Variants in KLHL35 observed in about 807,000 individuals in gnomAD.
KLHL35 encodes kelch like family member 35, also known as kelch-like protein 35.
Under a neutral mutation model 44.0 loss-of-function variants are expected in KLHL35, and 50 were observed. The ratio of observed to expected loss-of-function variants is 1.14; its 90% confidence interval spans 0.91 to 1.44. KLHL35 has a LOEUF of 1.44. Ranked by LOEUF, KLHL35 falls within the 40% of genes most tolerant of loss-of-function variation. The pLI, the probability that KLHL35 is intolerant of heterozygous loss-of-function variation, is 0.00. For synonymous variants in KLHL35, 470 were observed against 410.4 expected (o/e 1.15, Z -1.76); for missense variants, 1,049 against 887.8 (o/e 1.18, Z -2.31).
chr11:75,429,609 T>C (rs1592039595), intron 2 of KLHL35, 140 bp downstream of exon 2: 1 of 1,106,838 alleles, frequency 9.0e-7, no homozygotes. Flanking sequence ...GGCAGAATTA[T>C]GGGCACCGAG....
rs140661095 is a variant in KLHL35 at position 75,425,872 on chromosome 11, T to C, written c.1186-291A>G. The C allele has an allele frequency of 2.3e-3, 816 of 360,596 alleles. 6 individuals carry two copies. The highest frequency in any genetic ancestry group is 0.015 in the African/African-American group (730 of 47,908). The allele number at this position is 360,596 out of a possible 1,614,324, so 22.3% of individuals were successfully genotyped here. ...GCTGATGCTTAATAATAATAGCTAG[T>C]ATTGAGACTTTACCACCCCACTTAA... On this transcript the variant is annotated intron_variant, in intron 4 of 6. Coordinates refer to ENST00000539798, the MANE Select transcript of KLHL35 (RefSeq NM_001039548.3).
rs1309560479 is a variant in KLHL35, at chr11:75,428,558, G to A, written c.950C>T (p.Pro317Leu). ...CTCTGGATGGTAGGCATCGGCGAAG[G>A]GCAGCTTCAGGAGACCTTTGCGGTC... ...GCDRKGLLKL[P>L]FADAYHPESQ... Residue 317 changes from proline to leucine, a missense_variant, in exon 3 of 7, where the codon CCC becomes CTC. Coordinates refer to ENST00000539798, the MANE Select transcript of KLHL35 (RefSeq NM_001039548.3). The A allele has an allele frequency of 1.2e-6, 2 of 1,611,350 alleles. No individual in the cohort carries two copies. The highest frequency in any genetic ancestry group is 2.2e-5 in the South Asian group (2 of 91,038).
At chr11:75,425,603 G>GGGGAGCC in intron 4 of KLHL35, 22 bp from the exon 5 acceptor site, 1 of 1,450,122 alleles carries the variant, frequency 6.9e-7, no homozygotes, top group Non-Finnish European at 9.0e-7. Flanking sequence ...GACATGGGCC[G>GGGGAGCC]GGGAGCCGGG....
intron 5 of KLHL35, 84 bp from the exon 6 acceptor site, chr11:75,423,964 C>T: frequency 9.1e-7 from 1 of 1,097,580 alleles, no homozygotes; most frequent in Admixed American, 2.5e-5. Context: ...ACCTCTCCCC[C>T]CGGGGGCACT....
rs1948520535 is a variant in KLHL35 at position 75,429,969 on chromosome 11, T to C, written c.661A>G (p.Met221Val). 2.1e-6 allele frequency: 3 copies of C among 1,437,948 alleles called. No individual in the cohort carries two copies. Among genetic ancestry groups the C allele is most frequent in the African/African-American group, 1.5e-5 (1 of 66,906 alleles). 89.1% of individuals were successfully genotyped at this position (1,437,948 alleles called of 1,614,324 possible). A position where few individuals can be genotyped will look rare whatever the true frequency, so the allele number is the denominator to read the frequency against. Residue 221 changes from methionine to valine, a missense_variant, in exon 2 of 7, where the codon ATG becomes GTG. Transcript: ENST00000539798. ...AREEAVFEAAMRWVRHDAPAR... is the reference protein window; with the variant it reads ...AREEAVFEAAVRWVRHDAPAR... The stretch of plus-strand genomic sequence containing the variant: ...GGCGCGTCGTGGCGCACCCAGCGCA[T>C]GGCCGCTTCAAACACGGCCTCCTCG...
In KLHL35 at chr11:75,422,622, G is replaced by C; in HGVS notation, c.1710C>G (p.Ser570Arg). ...GGATGATGGTGACACAGCCGTGGGA[G>C]CTGGTGCAGCGCTGCAGGGATGGCT... ...EVQPSLQRCT[S>R]SHGCVTIIQS... Residue 570 changes from serine to arginine, a missense_variant, in exon 7 of 7, where the codon AGC becomes AGG. By Grantham distance (110) the Ser-to-Arg change is moderately radical. Coordinates refer to ENST00000539798, the MANE Select transcript of KLHL35 (RefSeq NM_001039548.3). The C allele has an allele frequency of 6.2e-7, 1 of 1,613,884 alleles. No individual in the cohort carries two copies. The highest frequency in any genetic ancestry group is 8.5e-7 in the Non-Finnish European group (1 of 1,179,808).
intron 1 of KLHL35, among the ~76,000 whole-genome samples, chr11:75,431,427 G>A (rs1204479573): frequency 6.6e-6 from 1 of 152,204 alleles, no homozygotes; most frequent in Non-Finnish European, 1.5e-5. Flanking sequence ...GGGAGGCACC[G>A]GGTGTTAGGG....
At chr11:75,431,738 G>C (rs1486167643) in intron 1 of KLHL35, among the ~76,000 whole-genome samples, 2 of 152,174 alleles carry the variant, frequency 1.3e-5, no homozygotes, top group Non-Finnish European at 2.9e-5. Flanking sequence ...CATCTGAAAT[G>C]GGATCATCAT....
At position 75,426,616 on chromosome 11, in the gene KLHL35, A is replaced by G. The variant is rs1479014867; in HGVS notation, c.1089T>C (p.Asp363=). 1 of 1,602,634 alleles carries G rather than the reference A, an allele frequency of 6.2e-7. No homozygotes were observed. Among genetic ancestry groups the G allele is most frequent in the Non-Finnish European group, 8.5e-7 (1 of 1,175,668 alleles). The change falls in exon 4 of 7, where the codon GAT becomes GAC. Residue 363 remains aspartate (D), a synonymous_variant. Coordinates refer to ENST00000539798, the MANE Select transcript of KLHL35 (RefSeq NM_001039548.3). ...YVSGGHINSH[D]VWMFSSHLHT... ...GCAGATGGGAGCTAAACATCCACAC[A>G]TCATGACTGTTGATGTGGCCTCCTA...
In KLHL35 at chr11:75,430,038, C is replaced by T. The variant is rs1948521231; in HGVS notation, c.592G>A (p.Glu198Lys). 2.1e-6 allele frequency: 3 copies of T among 1,415,730 alleles called. No individual in the cohort carries two copies. Among genetic ancestry groups the T allele is most frequent in the South Asian group, 1.4e-5 (1 of 70,318 alleles). The allele number at this position is 1,415,730 out of a possible 1,614,324, so 87.7% of individuals were successfully genotyped here. A position where few individuals can be genotyped will look rare whatever the true frequency, so the allele number is the denominator to read the frequency against. Residue 198 changes from glutamate to lysine, a missense_variant, in exon 2 of 7, where the codon GAG becomes AAG. Physicochemically the swap from Glu to Lys is moderately conservative, Grantham distance 56. Transcript: ENST00000539798. ...HADFLELAPD[E>K]VVALLADPAL... ...GGGTCCGCCAGCAGCGCCACCACCT[C>T]GTCAGGCGCCAGCTCCAGGAAGTCG... is the stretch of plus-strand genomic sequence containing the variant.
At position 75,428,492 on chromosome 11, in the gene KLHL35, G is replaced by C. The variant is rs1948508751; in HGVS notation, c.1016C>G (p.Thr339Ser). The C allele has an allele frequency of 6.2e-7, 1 of 1,612,604 alleles. No homozygotes were observed. Among genetic ancestry groups the C allele is most frequent in the Non-Finnish European group, 8.5e-7 (1 of 1,179,876 alleles). ...WTPLPSLPGYTRSEFAACALR... is the reference protein window; with the variant it reads ...WTPLPSLPGYSRSEFAACALR... ...AGCACAGGCGGCGAATTCTGAGCGA[G>C]TGTAGCCGGGCAGGCTGGGCAGTGG... Residue 339 changes from threonine to serine, a missense_variant, in exon 3 of 7, where the codon ACT (threonine) becomes AGT (serine). Transcript: ENST00000539798.
At chr11:75,430,947 A>G (rs1021582007) in intron 1 of KLHL35, among the ~76,000 whole-genome samples, 19 of 152,162 alleles carry the variant, frequency 1.2e-4, no homozygotes, top group African/African-American at 3.6e-4. Context: ...TAAAGGAACT[A>G]TTTTCAACAG....
intron 4 of KLHL35, 28 bp from the exon 5 acceptor site, chr11:75,425,609 C>T (rs539698525): frequency 3.5e-6 from 5 of 1,446,154 alleles, no homozygotes; most frequent in Middle Eastern, 4.2e-4. Context: ...GGCCGGGGAG[C>T]CGGGTGCCAG....
chr11:75,427,981 G>A (rs1186299366), intron 3 of KLHL35, among the ~76,000 whole-genome samples: 1 of 152,194 alleles, frequency 6.6e-6, no homozygotes, highest in Non-Finnish European at 1.5e-5. Flanking sequence ...TGAGTCTTTA[G>A]GGCTTGAGCC....
rs976855018 is a variant in KLHL35 at position 75,428,512 on chromosome 11, C to A, written c.996G>T (p.Leu332=). The part of the protein sequence containing the change: ...YHPESQRWTP[L]PSLPGYTRSE... ...AGCGAGTGTAGCCGGGCAGGCTGGG[C>A]AGTGGGGTCCACCGCTGGCTCTCTG... The change falls in exon 3 of 7, where the codon CTG becomes CTT. Residue 332 remains leucine (L), a synonymous_variant. Transcript: ENST00000539798. 1 of 1,612,400 alleles carries A rather than the reference C, an allele frequency of 6.2e-7. No homozygotes were observed. The highest frequency in any genetic ancestry group is 1.7e-5 in the Admixed American group (1 of 60,026).
In KLHL35 at chr11:75,430,241, G is replaced by C. The variant is rs908877188; in HGVS notation, c.389C>G (p.Ala130Gly). 1,741 of 1,215,438 alleles carry C rather than the reference G, an allele frequency of 1.4e-3. 2 individuals are homozygous for C. Among genetic ancestry groups the C allele is most frequent in the Non-Finnish European group, 1.7e-3 (1,694 of 974,910 alleles). 75.3% of individuals were successfully genotyped at this position (1,215,438 alleles called of 1,614,324 possible). A position where few individuals can be genotyped will look rare whatever the true frequency, so the allele number is the denominator to read the frequency against. The change falls in exon 2 of 7, where the codon GCG becomes GGG. Residue 130 changes from alanine to glycine, a missense_variant. Coordinates refer to ENST00000539798, the MANE Select transcript of KLHL35 (RefSeq NM_001039548.3). Reference protein sequence around the residue: ...EDEAAAVLALAERLGVAGLRE... With the variant: ...EDEAAAVLALGERLGVAGLRE... ...CAGGCCCGCCACGCCCAGCCGCTCC[G>C]CCAGCGCCAGCACGGCCGCCGCCTC... is the stretch of plus-strand genomic sequence containing the variant.
chr11:75,428,208 G>A (rs1165885850), intron 3 of KLHL35, among the ~76,000 whole-genome samples: 2 of 152,224 alleles, frequency 1.3e-5, no homozygotes, highest in Non-Finnish European at 2.9e-5. Flanking sequence ...AATACGAATT[G>A]ACTTCCTTAG....
intron 4 of KLHL35, chr11:75,425,919 G>T: frequency 3.6e-6 from 1 of 274,036 alleles, no homozygotes; most frequent in Non-Finnish European, 6.8e-6. Context: ...AAGCATCTTT[G>T]TTTCTGAATT....
At chr11:75,430,682 G>A in intron 1 of KLHL35, 52 bp from the exon 2 acceptor site, 2 of 1,287,506 alleles carry the variant, frequency 1.6e-6, no homozygotes, top group Non-Finnish European at 2.0e-6. Context: ...GGCTGCGCCC[G>A]GGAGAGGCGA....
Sources: gnomAD v4.1 joint callset for allele counts (sites outside exome capture counted in the v4.1 genomes callset) on GRCh38, gnomAD v4.1.1 for gene constraint, MANE v1.5 for transcripts, NCBI Gene and HGNC (gene_info 2026-07-23, HGNC 2026-07-21) for gene names.